The following ERCC3 variants were observed in gnomAD, a reference collection of about 807,000 sequenced individuals.
ERCC3 encodes general transcription and DNA repair factor IIH helicase/translocase subunit XPB.
ERCC3 carries 66 observed loss-of-function variants against 94.2 expected under a neutral mutation model. The observed-to-expected ratio is 0.70, with a 90% confidence interval of 0.57 to 0.86. The LOEUF (loss-of-function observed/expected upper bound fraction) is 0.86. Ranked by LOEUF, ERCC3 falls within the 40% of genes least tolerant of loss-of-function variation. ERCC3 has a pLI of 0.00. For missense variants in ERCC3, 829 were observed against 987.1 expected (o/e 0.84, Z 2.15); for synonymous variants, 349 against 369.1 (o/e 0.95, Z 0.63).
intron 8 of ERCC3, among the ~76,000 whole-genome samples, chr2:127,281,160 A>G (rs4150452): frequency 0.026 from 3,950 of 152,314 alleles, 68 homozygotes; most frequent in African/African-American, 0.031. Flanking sequence ...ATTTTCCCCT[A>G]ACACTTGTAC....
Position 127,264,871 on chromosome 2 carries a change from G to A in ERCC3, c.1946-3525C>T, listed in dbSNP as rs112793739. Among the ~76,000 whole-genome samples, 1,888 of 148,728 alleles carry A rather than the reference G, an allele frequency of 0.013. 47 individuals are homozygous for A. Among genetic ancestry groups the A allele is most frequent in the African/African-American group, 0.044 (1,777 of 40,304 alleles). On this transcript the variant is annotated intron_variant, in intron 12 of 14. Transcript: ENST00000285398. The surrounding 1 kb of genome is among the most constrained non-coding windows in gnomAD (Gnocchi z 4.4). ...GATTTTTTTTTTTTTTTTTGGAGGC[G>A]GAGTCTCACTCTGTCACCCAGGCTG...
rs552751947 is a variant in ERCC3, at chr2:127,258,032, G to A, written c.2218-305C>T. Reference sequence around the variant, plus strand: ...GAGATGGGATTTGAACACCCAGGTAGCCTGGCTTCAGACTGTTCTTAACCA... The same window carrying A: ...GAGATGGGATTTGAACACCCAGGTAACCTGGCTTCAGACTGTTCTTAACCA... On this transcript the variant is annotated intron_variant, in intron 14 of 14. Coordinates refer to ENST00000285398, the MANE Select transcript of ERCC3 (RefSeq NM_000122.2). The surrounding 1 kb of genome is among the most constrained non-coding windows in gnomAD (Gnocchi z 4.1). Among the ~76,000 whole-genome samples the A allele has an allele frequency of 3.9e-5, 6 of 152,218 alleles. No homozygotes were observed. In the South Asian group the frequency reaches 1.2e-3, roughly 32 times the overall value.
rs765846010 is a variant in ERCC3, at chr2:127,286,978, G to C, written c.1067C>G (p.Thr356Ser). The C allele has an allele frequency of 8.7e-6, 14 of 1,613,796 alleles. No individual in the cohort carries two copies. In the South Asian group the frequency reaches 1.5e-4, roughly 18 times the overall value. Residue 356 changes from threonine (T) to serine (S), a missense_variant, in exon 8 of 15, where the codon ACT (threonine) becomes AGT (serine). By Grantham distance (58) the Thr-to-Ser change is moderately conservative. Transcript: ENST00000285398. Reference protein sequence around the residue: ...KSLVGVTAACTVRKRCLVLGN... With the variant: ...KSLVGVTAACSVRKRCLVLGN... ...CAGCACCAGACAGCGTTTTCTGACA[G>C]TGCATGCAGCAGTCACACCAACCAG...
chr2:127,283,721 C>T (rs1684987112), intron 8 of ERCC3, among the ~76,000 whole-genome samples: 1 of 152,194 alleles, frequency 6.6e-6, no homozygotes, highest in Admixed American at 6.5e-5. Context: ...CTCATCAGCA[C>T]CCGCACATCA....
intron 13 of ERCC3, chr2:127,260,541 G>A (rs1251175873): frequency 1.3e-5 from 2 of 152,832 alleles, no homozygotes; most frequent in African/African-American, 4.8e-5. Context: ...GTCCTCCTAA[G>A]GCCAATAATG....
chr2:127,289,325 A>T lies in ERCC3; in HGVS notation c.822+12T>A. On this transcript the variant is annotated intron_variant, in intron 6 of 14. Transcript: ENST00000285398. The stretch of plus-strand genomic sequence containing the variant: ...TCAGTGAAGGAACCAGGAGGAAGGT[A>T]CATTCACTAACCTGCTTGACTTCAA... 6 of 1,612,112 alleles carry T rather than the reference A, an allele frequency of 3.7e-6. No homozygotes were observed. The highest frequency in any genetic ancestry group is 5.1e-6 in the Non-Finnish European group (6 of 1,178,404).
intron 12 of ERCC3, among the ~76,000 whole-genome samples, chr2:127,267,198 A>G (rs922075327): frequency 6.6e-6 from 1 of 152,170 alleles, no homozygotes; most frequent in South Asian, 2.1e-4. Context: ...GTGGGGTGTC[A>G]AAATCTCCTA....
intron 12 of ERCC3, among the ~76,000 whole-genome samples, chr2:127,266,709 A>ATTTTTTTTTT (rs960627621): frequency 1.4e-4 from 12 of 87,320 alleles, no homozygotes; most frequent in African/African-American, 2.1e-4. Flanking sequence ...ATGATCAATT[A>ATTTTTTTTTT]TTTTTTTTTT....
rs907283942 is a variant in ERCC3 at position 127,258,526 on chromosome 2, T to C, written c.2217+770A>G. 2.0e-5 allele frequency among the ~76,000 whole-genome samples: 3 copies of C among 151,738 alleles called. No individual in the cohort carries two copies. Among genetic ancestry groups the C allele is most frequent in the African/African-American group, 7.3e-5 (3 of 41,278 alleles). On this transcript the variant is annotated intron_variant, in intron 14 of 14. Transcript: ENST00000285398. The surrounding 1 kb of genome is among the most constrained non-coding windows in gnomAD (Gnocchi z 4.1). ...CACTCTCCTGGGTTCCCATGGAGAGTGCCCCCTGGGTCGGGGGAGGAAAGC... is the reference window on the plus strand; with the variant it reads ...CACTCTCCTGGGTTCCCATGGAGAGCGCCCCCTGGGTCGGGGGAGGAAAGC...
At chr2:127,265,903 C>G (rs1010830053) in intron 12 of ERCC3, among the ~76,000 whole-genome samples, 1 of 152,096 alleles carries the variant, frequency 6.6e-6, no homozygotes, top group Non-Finnish European at 1.5e-5. Context: ...TGAAATCTGT[C>G]TTCTCGATGT....
Position 127,287,033 on chromosome 2 carries a change from G to T in ERCC3, c.1028-16C>A. On this transcript the variant is annotated splice_polypyrimidine_tract_variant and intron_variant, in intron 7 of 14. Transcript: ENST00000285398. The stretch of plus-strand genomic sequence containing the variant: ...TTTCCAGCACCTACAAGAAACAAGA[G>T]TGCAATCCCACCCAAGGACAGGTTG... 6.2e-7 allele frequency: 1 copy of T among 1,600,902 alleles called. No individual in the cohort carries two copies.
Position 127,264,452 on chromosome 2 carries a change from G to A in ERCC3, c.1946-3106C>T, listed in dbSNP as rs1359750952. ...TTGCACTCCAGCCTGGGCAACAAGA[G>A]CAAGACTCTGCCTCAAAAAAACAAA... On this transcript the variant is annotated intron_variant, in intron 12 of 14. Coordinates refer to ENST00000285398, the MANE Select transcript of ERCC3 (RefSeq NM_000122.2). The surrounding 1 kb of genome is among the most constrained non-coding windows in gnomAD (Gnocchi z 4.4). 1.3e-5 allele frequency among the ~76,000 whole-genome samples: 2 copies of A among 152,164 alleles called. No individual in the cohort carries two copies. Among genetic ancestry groups the A allele is most frequent in the Non-Finnish European group, 2.9e-5 (2 of 68,028 alleles).
In ERCC3 at chr2:127,279,742, A is replaced by C. The variant is rs1684848284; in HGVS notation, c.1528-367T>G. Among the ~76,000 whole-genome samples the C allele has an allele frequency of 6.6e-6, 1 of 152,118 alleles. No individual in the cohort carries two copies. The highest frequency in any genetic ancestry group is 2.1e-4 in the South Asian group (1 of 4,820). On this transcript the variant is annotated intron_variant, in intron 9 of 14. Coordinates refer to ENST00000285398, the MANE Select transcript of ERCC3 (RefSeq NM_000122.2). The surrounding 1 kb of genome is among the most constrained non-coding windows in gnomAD (Gnocchi z 4.7). Reference sequence around the variant, plus strand: ...GCCACTGCACTCCAGCCTGGGTGACAGAGTGAGACCCTGTTTTAAAAAAAA... The same window carrying C: ...GCCACTGCACTCCAGCCTGGGTGACCGAGTGAGACCCTGTTTTAAAAAAAA...
At position 127,288,696 on chromosome 2, in the gene ERCC3, C is replaced by G; in HGVS notation, c.991G>C (p.Gly331Arg). 1 of 1,614,142 alleles carries G rather than the reference C, an allele frequency of 6.2e-7. No homozygotes were observed. The highest frequency in any genetic ancestry group is 8.5e-7 in the Non-Finnish European group (1 of 1,180,016). The change falls in exon 7 of 15, where the codon GGG (glycine) becomes CGG (arginine). Residue 331 changes from glycine (G) to arginine (R), a missense_variant. Physicochemically the swap from Gly to Arg is moderately radical, Grantham distance 125. Coordinates refer to ENST00000285398, the MANE Select transcript of ERCC3 (RefSeq NM_000122.2). ...EKSLRKMFGNGRARSGVIVLP... is the reference protein window; with the variant it reads ...EKSLRKMFGNRRARSGVIVLP... ...ACAATGACCCCCGAACGTGCACGCC[C>G]GTTTCCAAACATCTTTCGCAAGCTC...
At chr2:127,273,550 G>A (rs898323327) in intron 10 of ERCC3, among the ~76,000 whole-genome samples, 5 of 151,582 alleles carry the variant, frequency 3.3e-5, no homozygotes, top group African/African-American at 1.2e-4. Flanking sequence ...GGGAATTCAC[G>A]ACCAGCCTGA....
In ERCC3 at chr2:127,258,591, T is replaced by A. The variant is rs1684093879; in HGVS notation, c.2217+705A>T. On this transcript the variant is annotated intron_variant, in intron 14 of 14. Transcript: ENST00000285398. The surrounding 1 kb of genome is among the most constrained non-coding windows in gnomAD (Gnocchi z 4.1). ...AGGGCAGCCCCTTCCCAGGGACAGC[T>A]GTTTCCTTCTTGCCTTGGTCCAGCA... is the stretch of plus-strand genomic sequence containing the variant. Among the ~76,000 whole-genome samples, 1 of 152,138 alleles carries A rather than the reference T, an allele frequency of 6.6e-6. No homozygotes were observed. The highest frequency in any genetic ancestry group is 2.4e-5 in the African/African-American group (1 of 41,442).
intron 8 of ERCC3, among the ~76,000 whole-genome samples, chr2:127,282,208 AAC>A: frequency 6.6e-6 from 1 of 152,286 alleles, no homozygotes; most frequent in East Asian, 1.9e-4. Flanking sequence ...CCTTGAGGGA[AAC>A]ACTCCTCTGA....
In ERCC3 at chr2:127,274,316, GAAAAAAA is replaced by G. The variant is rs58195524; in HGVS notation, c.1731-1362_1731-1356del. Reference sequence around the variant, plus strand: ...GGCAACAGAGTGAGACTCCGTCTCAGAAAAAAAAAAAAAAGAAAAAGAAAAGAAAAAA... The same window carrying G: ...GGCAACAGAGTGAGACTCCGTCTCAGAAAAAAAGAAAAAGAAAAGAAAAAA... On this transcript the variant is annotated intron_variant, in intron 10 of 14. Coordinates refer to ENST00000285398, the MANE Select transcript of ERCC3 (RefSeq NM_000122.2). The surrounding 1 kb of genome is among the most constrained non-coding windows in gnomAD (Gnocchi z 4.0). Among the ~76,000 whole-genome samples the G allele has an allele frequency of 8.8e-6, 1 of 113,738 alleles. No homozygotes were observed. Among genetic ancestry groups the G allele is most frequent in the Non-Finnish European group, 1.9e-5 (1 of 53,320 alleles). The allele number at this position is 113,738 out of a possible 152,430, so 74.6% of individuals were successfully genotyped here.
Position 127,286,901 on chromosome 2 carries a change from A to C in ERCC3, c.1144T>G (p.Ser382Ala). Residue 382 changes from serine to alanine, a missense_variant, in exon 8 of 15, where the codon TCC (serine) becomes GCC (alanine). Physicochemically the swap from Ser to Ala is moderately conservative, Grantham distance 99. Coordinates refer to ENST00000285398, the MANE Select transcript of ERCC3 (RefSeq NM_000122.2). ...CAGATCTGGCTGTCGTCAATGGTGG[A>C]CCACATCTTGAACTGGGCTTTCCAC... ...EQWKAQFKMW[S>A]TIDDSQICRF... 1.2e-6 allele frequency: 2 copies of C among 1,614,176 alleles called. No individual in the cohort carries two copies. Among genetic ancestry groups the C allele is most frequent in the Non-Finnish European group, 1.7e-6 (2 of 1,180,028 alleles).
Sources: gnomAD v4.1 joint callset for allele counts (sites outside exome capture counted in the v4.1 genomes callset) on GRCh38, gnomAD v4.1.1 for gene constraint, Gnocchi (gnomAD v3.1) non-coding constraint, MANE v1.5 for transcripts, NCBI Gene and HGNC (gene_info 2026-07-23, HGNC 2026-07-21) for gene names.